Variants in WDFY2 observed in about 807,000 individuals in gnomAD.
WDFY2 encodes the protein WD repeat and FYVE domain containing 2, also known as WD repeat and FYVE domain-containing protein 2.
Under a neutral mutation model 56.4 loss-of-function variants are expected in WDFY2, and 36 were observed. That is an observed-to-expected ratio of 0.64 (90% confidence interval 0.49 to 0.84). The LOEUF is 0.84. Ranked by LOEUF, WDFY2 falls within the 40% of genes least tolerant of loss-of-function variation. The pLI is 0.00. For synonymous variants in WDFY2, 176 were observed against 183.7 expected (o/e 0.96, Z 0.34); for missense variants, 444 against 512.2 (o/e 0.87, Z 1.29).
chr13:51,728,066 A>C (rs766494007), intron 6 of WDFY2, among the ~76,000 whole-genome samples: 5 of 152,246 alleles, frequency 3.3e-5, no homozygotes, highest in Non-Finnish European at 7.3e-5. Context: ...CAGTGTTGGC[A>C]TACATTAATG....
chr13:51,683,447 A>T (rs781231967), intron 3 of WDFY2, among the ~76,000 whole-genome samples: 12 of 152,238 alleles, frequency 7.9e-5, no homozygotes, highest in Non-Finnish European at 1.5e-4. Flanking sequence ...GAGGTGAACC[A>T]TGGTTCCCAT....
chr13:51,603,803 A>C (rs1954331618), intron 1 of WDFY2, among the ~76,000 whole-genome samples: 1 of 152,230 alleles, frequency 6.6e-6, no homozygotes, highest in Non-Finnish European at 1.5e-5. Flanking sequence ...AATGGATATG[A>C]AAAAAATCTT....
In WDFY2 at chr13:51,748,614, TTC is replaced by T. The variant is rs202173754; in HGVS notation, c.726-2684_726-2683del. On this transcript the variant is annotated intron_variant, in intron 7 of 11. Transcript: ENST00000298125. ...TCTTTTCACACGTGAGTACTCCTTG[TTC>T]TCTCTCTCTCTTTTTTTTTTCTTAA... Among the ~76,000 whole-genome samples, 668 of 152,216 alleles carry T rather than the reference TTC, an allele frequency of 4.4e-3. 5 individuals carry two copies. The highest frequency in any genetic ancestry group is 0.015 in the African/African-American group (641 of 41,532).
chr13:51,719,479 A>G (rs988073584), intron 5 of WDFY2, 131 bp downstream of exon 5: 7 of 1,079,508 alleles, frequency 6.5e-6, no homozygotes, highest in Non-Finnish European at 7.9e-6. Context: ...TACAATGCTC[A>G]TAGAATTTCC....
At chr13:51,682,553 C>T (rs1955996935) in intron 3 of WDFY2, among the ~76,000 whole-genome samples, 1 of 152,112 alleles carries the variant, frequency 6.6e-6, no homozygotes, top group South Asian at 2.1e-4. Flanking sequence ...AGCACAAGCC[C>T]TGGTATCAGA....
At chr13:51,670,489 GCACA>G (rs55984632) in intron 2 of WDFY2, among the ~76,000 whole-genome samples, 36,217 of 131,144 alleles carry the variant, frequency 0.28, 5,087 homozygotes, top group Middle Eastern at 0.4. Flanking sequence ...GTGCGCACAT[GCACA>G]CACACACACA....
intron 3 of WDFY2, among the ~76,000 whole-genome samples, chr13:51,697,648 AT>A (rs1403724245): frequency 5.3e-5 from 8 of 151,862 alleles, no homozygotes; most frequent in African/African-American, 1.7e-4. Context: ...AAAAAAAAAA[AT>A]GAAATGTAAC....
chr13:51,713,340 G>A (rs958810578), intron 4 of WDFY2, among the ~76,000 whole-genome samples: 4 of 152,178 alleles, frequency 2.6e-5, no homozygotes, highest in African/African-American at 9.7e-5. Flanking sequence ...AATTAGCGGT[G>A]TATGCCCAGA....
rs917935967 is a variant in WDFY2, at chr13:51,672,818, G to A, written c.206-2352G>A. Among the ~76,000 whole-genome samples, 39 of 152,152 alleles carry A rather than the reference G, an allele frequency of 2.6e-4. 1 individual carries two copies. Among genetic ancestry groups the A allele is most frequent in the African/African-American group, 7.5e-4 (31 of 41,430 alleles). ...TATTTTTCTGCAGCTACTGTAAAAGGAGTTGAGTTCTTGATTTGATTCTCA... is the reference window on the plus strand; with the variant it reads ...TATTTTTCTGCAGCTACTGTAAAAGAAGTTGAGTTCTTGATTTGATTCTCA... On this transcript the variant is annotated intron_variant, in intron 2 of 11. Transcript: ENST00000298125.
intron 4 of WDFY2, among the ~76,000 whole-genome samples, chr13:51,704,255 T>C (rs1366953630): frequency 6.6e-6 from 1 of 152,220 alleles, no homozygotes; most frequent in Non-Finnish European, 1.5e-5. Context: ...ACAGGAACCA[T>C]TGTGATTTTG....
At chr13:51,725,409 C>T (rs1432036540) in intron 5 of WDFY2, among the ~76,000 whole-genome samples, 1 of 152,094 alleles carries the variant, frequency 6.6e-6, no homozygotes, top group East Asian at 1.9e-4. Context: ...AATTTTTGCT[C>T]AGGCATGGTG....
chr13:51,693,876 G>A (rs1951803831), intron 3 of WDFY2, among the ~76,000 whole-genome samples: 1 of 152,032 alleles, frequency 6.6e-6, no homozygotes, highest in Non-Finnish European at 1.5e-5. Flanking sequence ...CCTGTATTGG[G>A]TGCATATATA....
intron 6 of WDFY2, among the ~76,000 whole-genome samples, chr13:51,736,006 G>A (rs1952826110): frequency 1.3e-5 from 2 of 152,096 alleles, no homozygotes; most frequent in Non-Finnish European, 2.9e-5. Flanking sequence ...ATATAATGTG[G>A]CAAAGCTAGA....
chr13:51,687,045 T>TTATATA (rs749503242), intron 3 of WDFY2, among the ~76,000 whole-genome samples: 2 of 148,936 alleles, frequency 1.3e-5, no homozygotes, highest in Non-Finnish European at 3.0e-5. Flanking sequence ...TCACACTTAT[T>TTATATA]TATATATATA....
At chr13:51,589,052 G>A (rs894293883) in intron 1 of WDFY2, 18 of 152,150 alleles carry the variant, frequency 1.2e-4, no homozygotes, top group African/African-American at 3.6e-4. Context: ...AGTCCTGAGG[G>A]CAGAGCACAA....
At chr13:51,614,584 C>T (rs1165362779) in intron 1 of WDFY2, among the ~76,000 whole-genome samples, 3 of 152,150 alleles carry the variant, frequency 2.0e-5, no homozygotes, top group East Asian at 1.9e-4. Context: ...ATTGCATCTG[C>T]TTTCCAGGCA....
Position 51,719,250 on chromosome 13 carries a change from G to A in WDFY2, c.387G>A (p.Val129=), listed in dbSNP as rs774141793. Reference sequence around the variant, plus strand: ...TGTTTGTCCTGGAGCTGGAGTGGGTGCTGAGCACAGGACAGGACAAGCAAT... The same window carrying A: ...TGTTTGTCCTGGAGCTGGAGTGGGTACTGAGCACAGGACAGGACAAGCAAT... ...MILFVLELEW[V]LSTGQDKQFA... is the part of the protein sequence containing the mutation. The change falls in exon 5 of 12, where the codon GTG becomes GTA. Residue 129 remains valine (V), a synonymous_variant. Transcript: ENST00000298125. 8.7e-6 allele frequency: 14 copies of A among 1,614,196 alleles called. No individual in the cohort carries two copies. Among genetic ancestry groups the A allele is most frequent in the Middle Eastern group, 1.6e-4 (1 of 6,062 alleles).
chr13:51,657,036 CTT>C (rs1010378754), intron 1 of WDFY2, among the ~76,000 whole-genome samples: 1 of 151,912 alleles, frequency 6.6e-6, no homozygotes, highest in Non-Finnish European at 1.5e-5. Context: ...TCTTAAATCT[CTT>C]TGTTTTTTGT....
At chr13:51,626,963 G>A (rs1954845497) in intron 1 of WDFY2, among the ~76,000 whole-genome samples, 5 of 152,240 alleles carry the variant, frequency 3.3e-5, no homozygotes, top group Admixed American at 3.3e-4. Flanking sequence ...AGTGGCAATG[G>A]GGGTGTGAGC....
Sources: allele counts gnomAD v4.1 joint callset (sites outside exome capture counted in the v4.1 genomes callset), GRCh38; gene constraint gnomAD v4.1.1; transcripts MANE v1.5; gene names NCBI Gene and HGNC (gene_info 2026-07-23, HGNC 2026-07-21).